Variants in ANK3 observed in about 807,000 individuals in gnomAD.
ANK3 encodes ankyrin-3.
Under a neutral mutation model 370.9 loss-of-function variants are expected in ANK3, and 57 were observed. The ratio of observed to expected loss-of-function variants is 0.15; its 90% CI spans 0.12 to 0.19. ANK3 has a LOEUF of 0.19. Ranked by LOEUF, ANK3 falls within the 10% of genes least tolerant of loss-of-function variation. The pLI, the probability that ANK3 is intolerant of heterozygous loss-of-function variation, is 1.00. For synonymous variants in ANK3, 1,929 were observed against 1,946.3 expected, an observed-to-expected ratio of 0.99 and a Z score of 0.23; for missense variants, 4,439 against 5,302.1, an observed-to-expected ratio of 0.84 and a Z score of 5.06.
At chr10:60,645,624 C>A (rs2078700608) in intron 1 of ANK3, among the ~76,000 whole-genome samples, 1 of 151,996 alleles carries the variant, frequency 6.6e-6, no homozygotes, top group East Asian at 1.9e-4. Context: ...ACTACGGAGG[C>A]TGAGGCAAGA....
At position 60,103,509 on chromosome 10, in the gene ANK3, C is replaced by T. The variant is rs553786811; in HGVS notation, c.3328+2396G>A. 2.2e-4 allele frequency among the ~76,000 whole-genome samples: 33 copies of T among 150,936 alleles called. 1 individual carries two copies. Among genetic ancestry groups the T allele is most frequent in the African/African-American group, 7.8e-4 (32 of 41,098 alleles). On this transcript the variant is annotated intron_variant, in intron 28 of 43. Transcript: ENST00000280772. Reference sequence around the variant, plus strand: ...TGGGATTTTTTTTTTGGCTGGTCTGCTTTTGAAGAGAGGAAAGTTCTGGTA... The same window carrying T: ...TGGGATTTTTTTTTTGGCTGGTCTGTTTTTGAAGAGAGGAAAGTTCTGGTA...
Position 60,257,734 on chromosome 10 carries a change from C to T in ANK3, c.798+4125G>A, listed in dbSNP as rs375739793. Reference sequence around the variant, plus strand: ...TTGGTAACATTTACTTTTTTGGTTCCGCCCTTCACGTCTGTATATTTTAAT... The same window carrying T: ...TTGGTAACATTTACTTTTTTGGTTCTGCCCTTCACGTCTGTATATTTTAAT... On this transcript the variant is annotated intron_variant, in intron 7 of 43. Transcript: ENST00000280772. Among the ~76,000 whole-genome samples, 121 of 151,958 alleles carry T rather than the reference C, an allele frequency of 8.0e-4. 2 individuals are homozygous for T. The highest frequency in any genetic ancestry group is 6.2e-3 in the East Asian group (32 of 5,158).
intron 28 of ANK3, among the ~76,000 whole-genome samples, chr10:60,101,859 G>A (rs1160652992): frequency 1.3e-5 from 2 of 152,018 alleles, no homozygotes; most frequent in African/African-American, 4.8e-5. Flanking sequence ...GTCTTCATTA[G>A]TAATGGACAA....
At chr10:60,177,138 C>T (rs1489544513) in intron 18 of ANK3, among the ~76,000 whole-genome samples, 1 of 152,140 alleles carries the variant, frequency 6.6e-6, no homozygotes, top group Non-Finnish European at 1.5e-5. Flanking sequence ...AATTTGACAG[C>T]CCTATCATAT....
At chr10:60,211,494 G>T (rs928601623) in intron 9 of ANK3, among the ~76,000 whole-genome samples, 7 of 152,126 alleles carry the variant, frequency 4.6e-5, no homozygotes, top group African/African-American at 1.7e-4. Context: ...CCTCATCTAT[G>T]AAAAGGGAAT....
intron 1 of ANK3, among the ~76,000 whole-genome samples, chr10:60,620,040 G>A (rs1316838737): frequency 6.6e-6 from 1 of 152,122 alleles, no homozygotes; most frequent in Non-Finnish European, 1.5e-5. Flanking sequence ...CATTTATAAA[G>A]CCAGGAATGG....
chr10:60,103,327 T>G (rs984959247), intron 28 of ANK3, among the ~76,000 whole-genome samples: 2 of 152,146 alleles, frequency 1.3e-5, no homozygotes, highest in African/African-American at 2.4e-5. Context: ...TCTTGTTAAT[T>G]AACAGTTATT....
intron 2 of ANK3, among the ~76,000 whole-genome samples, chr10:60,501,565 C>T (rs866513231): frequency 3.3e-5 from 5 of 151,686 alleles, no homozygotes; most frequent in Non-Finnish European, 5.9e-5. Flanking sequence ...ATTAGCTGGG[C>T]GTGGTGGTGC....
intron 2 of ANK3, among the ~76,000 whole-genome samples, chr10:60,521,764 G>C (rs539513135): frequency 6.6e-6 from 1 of 152,168 alleles, no homozygotes; most frequent in Admixed American, 6.6e-5. Context: ...TCAAAGTTGT[G>C]AAAAGGGTTG....
intron 1 of ANK3, among the ~76,000 whole-genome samples, chr10:60,350,405 GA>G (rs1367054986): frequency 6.6e-6 from 1 of 152,142 alleles, no homozygotes. Context: ...TTCAGGTCAC[GA>G]AAAGCTCAAG....
At chr10:60,213,543 T>C (rs745385967) in intron 8 of ANK3, 33 bp from the exon 9 acceptor site, 3 of 1,471,900 alleles carry the variant, frequency 2.0e-6, no homozygotes, top group South Asian at 2.5e-5. Context: ...CCAATTAAAT[T>C]TGACAATAAA....
Position 60,279,622 on chromosome 10 carries a change from A to G in ANK3, c.132T>C (p.Ser44=). ...GTCCAGCTCGAGCTGCTCTTAAGTAACTTGCATTGGCATCAGACTAAAATA... is the reference window on the plus strand; with the variant it reads ...GTCCAGCTCGAGCTGCTCTTAAGTAGCTTGCATTGGCATCAGACTAAAATA... ...DRKKKSDANA[S]YLRAARAGHL... Residue 44 remains serine, a synonymous_variant, in exon 2 of 44, where the codon AGT becomes AGC. Coordinates refer to ENST00000280772, the MANE Select transcript of ANK3 (RefSeq NM_020987.5). The G allele has an allele frequency of 6.2e-7, 1 of 1,610,188 alleles. No individual in the cohort carries two copies. The highest frequency in any genetic ancestry group is 8.5e-7 in the Non-Finnish European group (1 of 1,179,060).
chr10:60,185,490 T>C (rs1484561247), intron 17 of ANK3, among the ~76,000 whole-genome samples: 3 of 152,206 alleles, frequency 2.0e-5, no homozygotes, highest in African/African-American at 7.2e-5. Context: ...ACAGGAAGAA[T>C]CCAACTTAGG....
intron 23 of ANK3, among the ~76,000 whole-genome samples, chr10:60,146,823 C>G (rs548858768): frequency 1.3e-5 from 2 of 152,296 alleles, no homozygotes; most frequent in South Asian, 4.1e-4. Context: ...AATTCTCAGC[C>G]TAGAGAATCC....
intron 2 of ANK3, among the ~76,000 whole-genome samples, chr10:60,578,563 T>C (rs2077709809): frequency 6.6e-6 from 1 of 152,216 alleles, no homozygotes. Context: ...TTTCCAGCAA[T>C]GCTCATATTA....
Position 60,069,030 on chromosome 10 carries a change from G to T in ANK3, c.11851C>A (p.Pro3951Thr). Reference protein sequence around the residue: ...GKAKQLPSKLPVKVRSTCVTT... With the variant: ...GKAKQLPSKLTVKVRSTCVTT... ...ACACAGGTGGATCTTACCTTTACTG[G>T]CAACTTGGATGGAAGCTGTTTGGCC... Residue 3951 changes from proline to threonine, a missense_variant, in exon 37 of 44, where the codon CCA becomes ACA. By Grantham distance (38) the Pro-to-Thr change is conservative. Coordinates refer to ENST00000280772, the MANE Select transcript of ANK3 (RefSeq NM_020987.5). The T allele has an allele frequency of 6.2e-7, 1 of 1,614,038 alleles. No individual in the cohort carries two copies. The highest frequency in any genetic ancestry group is 8.5e-7 in the Non-Finnish European group (1 of 1,179,954).
At chr10:60,051,518 C>T (rs969884217) in intron 42 of ANK3, 18 of 985,626 alleles carry the variant, frequency 1.8e-5, no homozygotes, top group African/African-American at 1.6e-4. Flanking sequence ...AGTGACTCTC[C>T]GCTCTTCCTC....
At chr10:60,313,775 C>T (rs1477583815) in intron 1 of ANK3, among the ~76,000 whole-genome samples, 3 of 152,170 alleles carry the variant, frequency 2.0e-5, no homozygotes, top group Non-Finnish European at 4.4e-5. Flanking sequence ...CAACAGTTGA[C>T]ATTGAACAAA....
chr10:60,072,116 T>G lies in ANK3; in HGVS notation c.8765A>C (p.Lys2922Thr), dbSNP rs2082820689. 11 of 1,613,800 alleles carry G rather than the reference T, an allele frequency of 6.8e-6. No individual in the cohort carries two copies. The highest frequency in any genetic ancestry group is 3.3e-4 in the Middle Eastern group (2 of 6,084). Residue 2922 changes from lysine to threonine, a missense_variant, in exon 37 of 44, where the codon AAA (lysine) becomes ACA (threonine). Around this residue, in one of 13 missense-constraint regions of ANK3, gnomAD observed 1,601 missense variants for 1,731.7 expected, o/e 0.92. Transcript: ENST00000280772. ...ATATAAGACTTTTTTGGAGGGAGATTTTACAGTCATTTCTTTAATTTCTGA... is the reference window on the plus strand; with the variant it reads ...ATATAAGACTTTTTTGGAGGGAGATGTTACAGTCATTTCTTTAATTTCTGA... The part of the protein sequence containing the change: ...SLSEIKEMTV[K>T]SPSKKVLYRE...
Sources: gnomAD v4.1 joint callset for allele counts (sites outside exome capture counted in the v4.1 genomes callset) on GRCh38, gnomAD v4.1.1 for gene constraint, gnomAD v4.1.1 regional missense constraint, MANE v1.5 for transcripts, NCBI Gene and HGNC (gene_info 2026-07-23, HGNC 2026-07-21) for gene names.